MYH2: variants seen among roughly 807,000 people sequenced by gnomAD.
MYH2 encodes myosin-2.
Under a neutral mutation model 228.1 loss-of-function variants are expected in MYH2, and 139 were observed. The ratio of observed to expected loss-of-function variants is 0.61; its 90% confidence interval spans 0.53 to 0.70. The LOEUF (loss-of-function observed/expected upper bound fraction) is 0.70. Among genes scored for constraint, MYH2 ranks in the 30% least tolerant of loss-of-function variants. The pLI is 0.00. For synonymous variants in MYH2, 796 were observed against 871.1 expected (o/e 0.91, Z 1.52); for missense variants, 1,809 against 2,357.5 (o/e 0.77, Z 4.82).
intron 10 of MYH2, among the ~76,000 whole-genome samples, chr17:10,541,294 A>G (rs187204548): frequency 3.3e-5 from 5 of 152,288 alleles, no homozygotes; most frequent in South Asian, 2.1e-4. Context: ...TCAGCAAGGA[A>G]CAGCCCTGAG....
chr17:10,532,426 C>A (rs2073435955), intron 21 of MYH2, among the ~76,000 whole-genome samples: 1 of 152,070 alleles, frequency 6.6e-6, no homozygotes, highest in South Asian at 2.1e-4. Flanking sequence ...ATTTTGTATT[C>A]TATTCTCTAA....
At chr17:10,522,611 A>G (rs2142289392) in intron 39 of MYH2, among the ~76,000 whole-genome samples, 1 of 152,186 alleles carries the variant, frequency 6.6e-6, no homozygotes, top group South Asian at 2.1e-4. Flanking sequence ...CTTTTGGTTC[A>G]TAATGAAAGC....
At chr17:10,522,982 A>T in intron 39 of MYH2, 108 bp downstream of exon 39, 1 of 747,350 alleles carries the variant, frequency 1.3e-6, no homozygotes, top group Non-Finnish European at 2.3e-6. Flanking sequence ...ACAAAAACAA[A>T]TGTTAAATAT....
intron 22 of MYH2, 66 bp downstream of exon 22, chr17:10,531,567 C>G: frequency 3.7e-6 from 6 of 1,609,472 alleles, no homozygotes; most frequent in Non-Finnish European, 5.1e-6. Context: ...ACTCATGGCC[C>G]ACAATGGCCA....
chr17:10,526,779 G>T lies in MYH2; in HGVS notation c.4007C>A (p.Ala1336Glu), dbSNP rs138470281. ...GTGGCGGGAAGACTGCAGGGCATGC[G>T]CCAGGGCGTTCTTGGCCTATGGAGG... Reference protein sequence around the residue: ...EEEIKAKNALAHALQSSRHDC... With the variant: ...EEEIKAKNALEHALQSSRHDC... The change falls in exon 30 of 40, where the codon GCG (alanine) becomes GAG (glutamate). Residue 1336 changes from alanine (A) to glutamate (E), a missense_variant. By Grantham distance (107) the Ala-to-Glu change is moderately radical (BLOSUM62 -1). Coordinates refer to ENST00000245503, the MANE Select transcript of MYH2 (RefSeq NM_017534.6). The T allele has an allele frequency of 2.2e-4, 352 of 1,614,216 alleles. 4 individuals are homozygous for T. In the South Asian group the frequency reaches 3.3e-3, roughly 15 times the overall value.
At position 10,537,634 on chromosome 17, in the gene MYH2, C is replaced by T; in HGVS notation, c.1587+31G>A. On this transcript the variant is annotated intron_variant, in intron 15 of 39. Transcript: ENST00000245503. This position sits in a 1 kb window ranked among gnomAD's most constrained non-coding sequence, Gnocchi z 4.0. ...AAAGCAGCGAATAATATAGTTGCCG[C>T]AAAATATGGTTTCAGAAATGCAAAA... 2.5e-6 allele frequency: 4 copies of T among 1,614,164 alleles called. No homozygotes were observed. The highest frequency in any genetic ancestry group is 3.4e-6 in the Non-Finnish European group (4 of 1,180,020).
In MYH2 at chr17:10,527,037, A is replaced by C; in HGVS notation, c.3891T>G (p.Leu1297=). Residue 1297 remains leucine, a synonymous_variant, in exon 29 of 40, where the codon CTT becomes CTG. Transcript: ENST00000245503. ...GAGACACCAGAGCTTCCTTTTCATC[A>C]AGCTGGCGTGAAAACTCACCTGATG... ...QTESGEFSRQ[L]DEKEALVSQL... is the part of the protein sequence containing the mutation. The C allele has an allele frequency of 6.2e-7, 1 of 1,614,134 alleles. No individual in the cohort carries two copies. The highest frequency in any genetic ancestry group is 8.5e-7 in the Non-Finnish European group (1 of 1,180,026).
At chr17:10,548,121 T>G (rs2073658428) in intron 2 of MYH2, among the ~76,000 whole-genome samples, 181 bp from the exon 3 acceptor site, 1 of 152,218 alleles carries the variant, frequency 6.6e-6, no homozygotes, top group Admixed American at 6.5e-5. Context: ...AGGTGGTCTC[T>G]GTGTACCCAA....
Position 10,535,444 on chromosome 17 carries a change from A to T in MYH2, c.1975-79T>A. ...AGTCATTGGTGTCTATAAAATCAAT[A>T]TCTATAGCTGAGTTGAATGACCAGT... On this transcript the variant is annotated intron_variant, in intron 17 of 39. Coordinates refer to ENST00000245503, the MANE Select transcript of MYH2 (RefSeq NM_017534.6). The T allele has an allele frequency of 1.2e-5, 15 of 1,224,334 alleles. No homozygotes were observed. In the South Asian group the frequency reaches 1.9e-4, roughly 15 times the overall value. The allele number at this position is 1,224,334 out of a possible 1,614,324, so 75.8% of individuals were successfully genotyped here.
At position 10,535,340 on chromosome 17, in the gene MYH2, T is replaced by C. The variant is rs750604697; in HGVS notation, c.2000A>G (p.Asn667Ser). 1.2e-6 allele frequency: 2 copies of C among 1,614,196 alleles called. No homozygotes were observed. Among genetic ancestry groups the C allele is most frequent in the Admixed American group, 1.7e-5 (1 of 60,018 alleles). Residue 667 changes from asparagine to serine, a missense_variant, in exon 18 of 40, where the codon AAC (asparagine) becomes AGC (serine). Transcript: ENST00000245503. ...FRENLNKLMT[N>S]LRSTHPHFVR... ...AAAGTGAGGATGGGTACTCCTGAGGTTGGTCATCAGCTTGTTCAAATTCTC... is the reference window on the plus strand; with the variant it reads ...AAAGTGAGGATGGGTACTCCTGAGGCTGGTCATCAGCTTGTTCAAATTCTC...
chr17:10,548,857 G>A (rs542033099), intron 2 of MYH2, among the ~76,000 whole-genome samples: 2 of 152,232 alleles, frequency 1.3e-5, no homozygotes, highest in African/African-American at 2.4e-5. Context: ...CATTTGAATC[G>A]TCTCTTCTAG....
At position 10,535,407 on chromosome 17, in the gene MYH2, A is replaced by G. The variant is rs748844144; in HGVS notation, c.1975-42T>C. 2.2e-5 allele frequency: 33 copies of G among 1,521,638 alleles called. 1 individual carries two copies. The East Asian group carries it at 4.1e-4, about 19-fold the overall frequency. The allele number at this position is 1,521,638 out of a possible 1,614,324, so 94.3% of individuals were successfully genotyped here. ...AATCCTGTCATTTTAGGCTCTAGAC[A>G]TGGATATGAGCAGTCATTGGTGTCT... On this transcript the variant is annotated intron_variant, in intron 17 of 39. Transcript: ENST00000245503.
rs117081954 is a variant in MYH2 at position 10,523,372 on chromosome 17, C to T, written c.5513G>A (p.Arg1838His). The change falls in exon 38 of 40, where the codon CGT (arginine) becomes CAT (histidine). Residue 1838 changes from arginine to histidine, a missense_variant. By Grantham distance (29) the Arg-to-His change is conservative. Around this residue, in one of 9 missense-constraint regions of MYH2, gnomAD observed 278 missense variants for 308.5 expected, o/e 0.90. Transcript: ENST00000245503. ...LEGEVESEQKRNAEAVKGLRK... is the reference protein window; with the variant it reads ...LEGEVESEQKHNAEAVKGLRK... ...CAGACCTTTGACAGCCTCAGCATTA[C>T]GCTTTTGCTCACTCTCAACCTCTCC... The T allele has an allele frequency of 2.7e-5, 43 of 1,614,078 alleles. No individual in the cohort carries two copies. Among genetic ancestry groups the T allele is most frequent in the Admixed American group, 6.7e-5 (4 of 59,996 alleles).
At position 10,524,506 on chromosome 17, in the gene MYH2, A is replaced by T. The variant is rs945814151; in HGVS notation, c.5135T>A (p.Leu1712His). 2 of 1,614,166 alleles carry T rather than the reference A, an allele frequency of 1.2e-6. No homozygotes were observed. Among genetic ancestry groups the T allele is most frequent in the Non-Finnish European group, 1.7e-6 (2 of 1,180,032 alleles). ...ERSRKIAEQE[L>H]LDASERVQLL... ...CTGAACACGCTCACTGGCATCCAGG[A>T]GCTCCTGTTCTGCGATTTTTCTGCT... The change falls in exon 35 of 40, where the codon CTC becomes CAC. Residue 1712 changes from leucine to histidine, a missense_variant. Transcript: ENST00000245503. The surrounding 1 kb of genome is among the most constrained non-coding windows in gnomAD (Gnocchi z 4.7).
At position 10,537,943 on chromosome 17, in the gene MYH2, A is replaced by T. The variant is rs1274490176; in HGVS notation, c.1417-108T>A. 3 of 1,566,956 alleles carry T rather than the reference A, an allele frequency of 1.9e-6. No homozygotes were observed. The Admixed American group carries it at 5.3e-5, about 28-fold the overall frequency. On this transcript the variant is annotated intron_variant, in intron 14 of 39. Transcript: ENST00000245503. The surrounding 1 kb of genome is among the most constrained non-coding windows in gnomAD (Gnocchi z 4.0). ...GTGTCCAAGAGCCTTTATATTACAGATATTAAAATCACTGGGTTAAAGAGA... is the reference window on the plus strand; with the variant it reads ...GTGTCCAAGAGCCTTTATATTACAGTTATTAAAATCACTGGGTTAAAGAGA...
rs36082989 is a variant in MYH2, at chr17:10,525,944, C to T, written c.4188-68G>A. 83,959 of 1,528,358 alleles carry T rather than the reference C, an allele frequency of 0.055. 2,731 individuals are homozygous for T. The highest frequency in any genetic ancestry group is 0.11 in the South Asian group (9,474 of 87,016). 94.7% of individuals were successfully genotyped at this position (1,528,358 alleles called of 1,614,324 possible). On this transcript the variant is annotated intron_variant, in intron 30 of 39. Coordinates refer to ENST00000245503, the MANE Select transcript of MYH2 (RefSeq NM_017534.6). The surrounding 1 kb of genome is among the most constrained non-coding windows in gnomAD (Gnocchi z 4.2). The stretch of plus-strand genomic sequence containing the variant: ...ATGAATTATGAGCTATTGCCACACA[C>T]GCTGAAGAGTGTTAGAAACTTCACA...
At chr17:10,539,053 T>C in intron 14 of MYH2, 152 bp downstream of exon 14, 1 of 1,375,504 alleles carries the variant, frequency 7.3e-7, no homozygotes, top group South Asian at 1.3e-5. Context: ...GAAGTGGAAT[T>C]GGTACTACAA....
At chr17:10,529,288 C>G in intron 25 of MYH2, 36 bp from the exon 26 acceptor site, 1 of 1,613,932 alleles carries the variant, frequency 6.2e-7, no homozygotes. Context: ...CAATTTAGTC[C>G]GTATCTAATG....
At chr17:10,528,191 G>T (rs536119975) in intron 27 of MYH2, among the ~76,000 whole-genome samples, 1 of 151,640 alleles carries the variant, frequency 6.6e-6, no homozygotes, top group African/African-American at 2.4e-5. Context: ...CTGCAGGCGC[G>T]CGCCACCACA....
Sources: gnomAD v4.1 joint callset for allele counts (sites outside exome capture counted in the v4.1 genomes callset) on GRCh38, gnomAD v4.1.1 for gene constraint, gnomAD v4.1.1 regional missense constraint, Gnocchi (gnomAD v3.1) non-coding constraint, MANE v1.5 for transcripts, NCBI Gene and HGNC (gene_info 2026-07-23, HGNC 2026-07-21) for gene names.